The following WHAMM variants were observed in gnomAD, a reference collection of about 807,000 sequenced individuals.
WHAMM encodes WASP homolog associated with actin, golgi membranes and microtubules.
In WHAMM, 67 loss-of-function variants were observed where a neutral mutation model predicts 76.5. The ratio of observed to expected loss-of-function variants is 0.88; its 90% confidence interval spans 0.72 to 1.07. WHAMM has a LOEUF of 1.07. WHAMM is among the 50% of genes least tolerant of loss of function. WHAMM has a pLI of 0.00. For synonymous variants in WHAMM, 419 were observed against 422.1 expected (o/e 0.99, Z 0.09); for missense variants, 1,021 against 1,051.1 (o/e 0.97, Z 0.40).
chr15:82,822,274 C>T (rs1398306226), intron 5 of WHAMM, among the ~76,000 whole-genome samples: 1 of 152,038 alleles, frequency 6.6e-6, no homozygotes, highest in Non-Finnish European at 1.5e-5. Flanking sequence ...TATCAAGATC[C>T]TTAAATATTT....
intron 6 of WHAMM, among the ~76,000 whole-genome samples, chr15:82,823,814 C>T (rs1299123083): frequency 6.6e-6 from 1 of 152,206 alleles, no homozygotes. Flanking sequence ...GATCCGCCCA[C>T]CTTGGCCTCC....
At position 82,830,652 on chromosome 15, in the gene WHAMM, A is replaced by C; in HGVS notation, c.1695A>C (p.Pro565=). The change falls in exon 9 of 10, where the codon CCA becomes CCC. Residue 565 remains proline (P), a synonymous_variant. Coordinates refer to ENST00000286760, the MANE Select transcript of WHAMM (RefSeq NM_001080435.3). Reference sequence around the variant, plus strand: ...CCTCTGGCTCAGAACCTGTGGCTCCAAACCTGCCAAGTGATCTTTCCCAGC... The same window carrying C: ...CCTCTGGCTCAGAACCTGTGGCTCCCAACCTGCCAAGTGATCTTTCCCAGC... ...RNTSGSEPVA[P]NLPSDLSQQM... 2 of 1,613,922 alleles carry C rather than the reference A, an allele frequency of 1.2e-6. No homozygotes were observed. The highest frequency in any genetic ancestry group is 1.7e-6 in the Non-Finnish European group (2 of 1,179,886).
chr15:82,817,752 A>G (rs565818346), intron 3 of WHAMM, among the ~76,000 whole-genome samples, 168 bp from the exon 4 acceptor site: 1 of 152,346 alleles, frequency 6.6e-6, no homozygotes, highest in East Asian at 1.9e-4. Flanking sequence ...CTAAAATTTT[A>G]TATCAATGAA....
At chr15:82,826,230 A>T (rs2050930493) in intron 6 of WHAMM, among the ~76,000 whole-genome samples, 180 bp from the exon 7 acceptor site, 1 of 152,234 alleles carries the variant, frequency 6.6e-6, no homozygotes, top group South Asian at 2.1e-4. Flanking sequence ...TATTTCCATA[A>T]GCAGCCAGGC....
chr15:82,810,268 G>A lies in WHAMM; in HGVS notation c.542G>A (p.Ser181Asn). The change falls in exon 1 of 10, where the codon AGC (serine) becomes AAC (asparagine). Residue 181 changes from serine (S) to asparagine (N), a missense_variant. Ser to Asn is a conservative substitution (Grantham distance 46). Around this residue, in one of 3 missense-constraint regions of WHAMM, gnomAD observed 501 missense variants for 524.9 expected, o/e 0.95. Coordinates refer to ENST00000286760, the MANE Select transcript of WHAMM (RefSeq NM_001080435.3). ...GAGGGCGGCGCGGCCGACTGCGAAA[G>A]CCCGCGCGAGTTCCGGGAGCGGGCC... ...PAEGGAADCE[S>N]PREFRERALR... 7.3e-7 allele frequency: 1 copy of A among 1,378,418 alleles called. No individual in the cohort carries two copies. Among genetic ancestry groups the A allele is most frequent in the Non-Finnish European group, 9.4e-7 (1 of 1,068,586 alleles). The allele number at this position is 1,378,418 out of a possible 1,614,324, so 85.4% of individuals were successfully genotyped here. A position where few individuals can be genotyped will look rare whatever the true frequency, so the allele number is the denominator to read the frequency against.
chr15:82,816,793 T>G lies in WHAMM; in HGVS notation c.885T>G (p.Ile295Met). ...GGGCTGAAGAAGCTGTCGTCTCTAT[T>G]CAGGATATCACAGTGAATTATTTTA... ...TRRAEEAVVSIQDITVNYFKE... is the reference protein window; with the variant it reads ...TRRAEEAVVSMQDITVNYFKE... The change falls in exon 3 of 10, where the codon ATT (isoleucine) becomes ATG (methionine). Residue 295 changes from isoleucine to methionine, a missense_variant. Ile to Met is a conservative substitution (Grantham distance 10). Around this residue, in one of 3 missense-constraint regions of WHAMM, gnomAD observed 501 missense variants for 524.9 expected, o/e 0.95. Transcript: ENST00000286760. The G allele has an allele frequency of 6.4e-7, 1 of 1,564,422 alleles. No individual in the cohort carries two copies. The highest frequency in any genetic ancestry group is 8.7e-7 in the Non-Finnish European group (1 of 1,153,090).
Position 82,809,650 on chromosome 15 carries a change from G to C in WHAMM, c.-77G>C, listed in dbSNP as rs1467319701. 6.4e-5 allele frequency: 78 copies of C among 1,224,850 alleles called. No homozygotes were observed. The highest frequency in any genetic ancestry group is 4.3e-4 in the East Asian group (14 of 32,348). The allele number at this position is 1,224,850 out of a possible 1,614,324, so 75.9% of individuals were successfully genotyped here. ...ATTCTAGCGAAAAATGATTTGGCTC[G>C]GACTGTCCCGTGACAGGCGGTGCGA... On this transcript the variant is annotated 5_prime_UTR_variant, in exon 1 of 10. Transcript: ENST00000286760.
rs573229378 is a variant in WHAMM, at chr15:82,835,028, T to C, written c.*1492T>C. 3.3e-5 allele frequency: 5 copies of C among 152,370 alleles called. No homozygotes were observed. Among genetic ancestry groups the C allele is most frequent in the African/African-American group, 1.2e-4 (5 of 41,582 alleles). The allele number at this position is 152,370 out of a possible 1,614,324, so 9.4% of individuals were successfully genotyped here. On this transcript the variant is annotated 3_prime_UTR_variant, in exon 10 of 10. Coordinates refer to ENST00000286760, the MANE Select transcript of WHAMM (RefSeq NM_001080435.3). ...CCTACTAACCTCATCACCCTCACTC[T>C]GGTGATATTACTCCTGGGTCTCCAC...
chr15:82,813,241 C>A lies in WHAMM; in HGVS notation c.748C>A (p.Arg250=). The part of the protein sequence containing the change: ...QYLLQPFRAM[R]EVATLCKLDI... ...CTTATTGCAGCCATTTAGGGCTATG[C>A]GAGAAGTTGCAACTTTATGTAAGCT... is the stretch of plus-strand genomic sequence containing the variant. The change falls in exon 2 of 10, where the codon CGA becomes AGA. Residue 250 remains arginine, a synonymous_variant. Transcript: ENST00000286760. 1 of 1,582,556 alleles carries A rather than the reference C, an allele frequency of 6.3e-7. No individual in the cohort carries two copies. The highest frequency in any genetic ancestry group is 1.4e-5 in the African/African-American group (1 of 73,600).
At chr15:82,828,565 C>T (rs939592857) in intron 8 of WHAMM, among the ~76,000 whole-genome samples, 5 of 152,126 alleles carry the variant, frequency 3.3e-5, no homozygotes, top group Admixed American at 3.3e-4. Flanking sequence ...AGGAAGGGAT[C>T]CAAGGGCAAC....
Position 82,834,076 on chromosome 15 carries a change from C to T in WHAMM, c.*540C>T, listed in dbSNP as rs2051089048. 1 of 153,382 alleles carries T rather than the reference C, an allele frequency of 6.5e-6. No individual in the cohort carries two copies. Among genetic ancestry groups the T allele is most frequent in the African/African-American group, 2.4e-5 (1 of 40,860 alleles). The allele number at this position is 153,382 out of a possible 1,614,324, so 9.5% of individuals were successfully genotyped here. On this transcript the variant is annotated 3_prime_UTR_variant, in exon 10 of 10. Transcript: ENST00000286760. Reference sequence around the variant, plus strand: ...TTCTTTTGAGACAGAATCTCTCTGTCATCCAGGCTAGAGTGCAGTGGCACG... The same window carrying T: ...TTCTTTTGAGACAGAATCTCTCTGTTATCCAGGCTAGAGTGCAGTGGCACG...
chr15:82,826,405 A>G lies in WHAMM; in HGVS notation c.1459-5A>G, dbSNP rs1246498927. ...CCATGTAGGTGATTTGTATTATTCC[A>G]CCAGGATCAGTGCAAAGAAAATCAT... On this transcript the variant is annotated splice_region_variant and splice_polypyrimidine_tract_variant and intron_variant, in intron 6 of 9. Transcript: ENST00000286760. The G allele has an allele frequency of 6.2e-7, 1 of 1,613,818 alleles. No individual in the cohort carries two copies.
intron 8 of WHAMM, among the ~76,000 whole-genome samples, chr15:82,830,351 G>C (rs1266078570): frequency 6.6e-6 from 1 of 151,710 alleles, no homozygotes; most frequent in African/African-American, 2.4e-5. Flanking sequence ...TCCTCTATAT[G>C]TATGCTTTCA....
At chr15:82,831,485 G>C (rs1379029801) in intron 9 of WHAMM, among the ~76,000 whole-genome samples, 2 of 152,160 alleles carry the variant, frequency 1.3e-5, no homozygotes, top group African/African-American at 2.4e-5. Flanking sequence ...TCCAGTTGTT[G>C]TATTTTAAGC....
In WHAMM at chr15:82,817,968, C is replaced by T; in HGVS notation, c.983C>T (p.Ala328Val). The part of the protein sequence containing the change: ...EQDAKRFGQA[A>V]WATAIPRLEK... ...GATGCGAAGAGATTTGGTCAGGCTG[C>T]CTGGGCCACAGCAATTCCCAGGTTG... The change falls in exon 4 of 10, where the codon GCC becomes GTC. Residue 328 changes from alanine to valine, a missense_variant. Ala to Val is a moderately conservative substitution (Grantham distance 64). Coordinates refer to ENST00000286760, the MANE Select transcript of WHAMM (RefSeq NM_001080435.3). The T allele has an allele frequency of 6.5e-7, 1 of 1,548,118 alleles. No individual in the cohort carries two copies. The highest frequency in any genetic ancestry group is 1.2e-5 in the South Asian group (1 of 83,754).
chr15:82,833,773 T>C lies in WHAMM; in HGVS notation c.*237T>C. 1 of 499,358 alleles carries C rather than the reference T, an allele frequency of 2.0e-6. No homozygotes were observed. The allele number at this position is 499,358 out of a possible 1,614,324, so 30.9% of individuals were successfully genotyped here. A position where few individuals can be genotyped will look rare whatever the true frequency, so the allele number is the denominator to read the frequency against. On this transcript the variant is annotated 3_prime_UTR_variant, in exon 10 of 10. Coordinates refer to ENST00000286760, the MANE Select transcript of WHAMM (RefSeq NM_001080435.3). ...GGCGCCATCTCGGCTCACCGCAAGC[T>C]CCGCTTCCCAGGCTGGGGTGCAGTG... is the stretch of plus-strand genomic sequence containing the variant.
In WHAMM at chr15:82,818,641, C is replaced by G. The variant is rs967797878; in HGVS notation, c.1104+552C>G. ...AAAGAGATACTTCACTGCATAGTCA[C>G]TTAAATTTTTTCCTATAATCTTATG... is the stretch of plus-strand genomic sequence containing the variant. On this transcript the variant is annotated intron_variant, in intron 4 of 9. Transcript: ENST00000286760. Among the ~76,000 whole-genome samples the G allele has an allele frequency of 1.8e-4, 28 of 152,232 alleles. 1 individual carries two copies. The highest frequency in any genetic ancestry group is 1.6e-3 in the Admixed American group (24 of 15,284).
At chr15:82,813,020 G>T in intron 1 of WHAMM, 83 bp from the exon 2 acceptor site, 1 of 1,063,942 alleles carries the variant, frequency 9.4e-7, no homozygotes, top group Non-Finnish European at 1.3e-6. Context: ...AGAACATGAA[G>T]GTTTCTTTTG....
chr15:82,826,554 G>C, intron 7 of WHAMM, 58 bp downstream of exon 7: 2 of 1,597,010 alleles, frequency 1.3e-6, no homozygotes, highest in Non-Finnish European at 1.7e-6. Flanking sequence ...TGCAGGCCTA[G>C]ACTTGTGGAA....
Sources: gnomAD v4.1 joint callset for allele counts (sites outside exome capture counted in the v4.1 genomes callset) on GRCh38, gnomAD v4.1.1 for gene constraint, gnomAD v4.1.1 regional missense constraint, MANE v1.5 for transcripts, NCBI Gene and HGNC (gene_info 2026-07-23, HGNC 2026-07-21) for gene names.